The following SGCZ variants were observed in gnomAD, a reference collection of about 807,000 sequenced individuals.
SGCZ encodes the protein zeta-sarcoglycan.
In SGCZ, 40 loss-of-function variants were observed where a neutral mutation model predicts 41.3. That is an observed-to-expected ratio of 0.97 (90% confidence interval 0.75 to 1.26). The LOEUF (loss-of-function observed/expected upper bound fraction) is 1.26, where lower values mean the gene tolerates loss of function less well. Ranked by LOEUF, SGCZ falls within the 50% of genes most tolerant of loss-of-function variation. SGCZ has a pLI of 0.00. For synonymous variants in SGCZ, 206 were observed against 137.5 expected (o/e 1.50, Z -3.49); for missense variants, 552 against 369.8 (o/e 1.49, Z -4.04).
intron 1 of SGCZ, among the ~76,000 whole-genome samples, chr8:14,607,426 A>T (rs961574470): frequency 2.0e-5 from 3 of 152,178 alleles, no homozygotes; most frequent in Non-Finnish European, 4.4e-5. Context: ...TATTAATCCA[A>T]TTAATTAGGT....
chr8:14,238,486 G>C (rs1806848421), intron 3 of SGCZ, among the ~76,000 whole-genome samples: 1 of 152,102 alleles, frequency 6.6e-6, no homozygotes, highest in Admixed American at 6.5e-5. Flanking sequence ...TTCTCCTTTA[G>C]GACATAAAAC....
chr8:14,367,146 A>T (rs957242316), intron 2 of SGCZ, among the ~76,000 whole-genome samples: 1 of 152,108 alleles, frequency 6.6e-6, no homozygotes. Flanking sequence ...AGTTCCACAG[A>T]TCTTCGGGAC....
At chr8:14,543,087 T>G (rs1415311121) in intron 2 of SGCZ, among the ~76,000 whole-genome samples, 1 of 152,088 alleles carries the variant, frequency 6.6e-6, no homozygotes, top group Middle Eastern at 3.4e-3. Flanking sequence ...TTGGATATTT[T>G]ATTTAGGAAC....
chr8:14,102,589 C>G (rs982356965), intron 6 of SGCZ, 90 bp from the exon 7 acceptor site: 2 of 1,147,626 alleles, frequency 1.7e-6, no homozygotes, highest in Non-Finnish European at 2.2e-6. Flanking sequence ...AACTAGAAGA[C>G]AACATTGGTC....
At chr8:14,948,830 AC>A (rs1796050557) in intron 1 of SGCZ, among the ~76,000 whole-genome samples, 1 of 151,940 alleles carries the variant, frequency 6.6e-6, no homozygotes, top group African/African-American at 2.4e-5. Flanking sequence ...TGGTTTTCAC[AC>A]CCGTGTGTTT....
intron 7 of SGCZ, among the ~76,000 whole-genome samples, chr8:14,098,356 CAACAACA>C (rs1396767187): frequency 6.6e-6 from 1 of 152,068 alleles, no homozygotes; most frequent in Non-Finnish European, 1.5e-5. Context: ...ACTAAGCAAA[CAACAACA>C]AAAACCCAAG....
intron 2 of SGCZ, among the ~76,000 whole-genome samples, chr8:14,396,490 T>C (rs903742668): frequency 3.3e-5 from 5 of 152,086 alleles, no homozygotes; most frequent in African/African-American, 1.2e-4. Context: ...TCATTCCCTA[T>C]GCCTCCTAAT....
chr8:14,691,905 T>A (rs928327870), intron 1 of SGCZ, among the ~76,000 whole-genome samples: 15 of 152,148 alleles, frequency 9.9e-5, no homozygotes, highest in Admixed American at 9.2e-4. Flanking sequence ...AAATTTTGTA[T>A]CTATATATTG....
chr8:14,315,804 T>C (rs1801695246), intron 3 of SGCZ, among the ~76,000 whole-genome samples: 1 of 151,390 alleles, frequency 6.6e-6, no homozygotes, highest in Admixed American at 6.6e-5. Flanking sequence ...AATATAAAAA[T>C]ATTTAATTGA....
intron 1 of SGCZ, among the ~76,000 whole-genome samples, chr8:14,957,941 A>T (rs1389156349): frequency 6.6e-6 from 1 of 152,078 alleles, no homozygotes; most frequent in East Asian, 1.9e-4. Context: ...TATGTGCAAC[A>T]CTAAGAGTGT....
At chr8:14,136,312 G>A (rs915524797) in intron 5 of SGCZ, among the ~76,000 whole-genome samples, 3 of 152,168 alleles carry the variant, frequency 2.0e-5, no homozygotes, top group Non-Finnish European at 4.4e-5. Context: ...GACAGTGGGT[G>A]CAGCCCATGA....
intron 4 of SGCZ, among the ~76,000 whole-genome samples, chr8:14,202,493 A>G (rs1805486817): frequency 6.6e-6 from 1 of 152,024 alleles, no homozygotes; most frequent in Non-Finnish European, 1.5e-5. Flanking sequence ...GGGTTTCACA[A>G]GGGAAAAAAA....
chr8:14,846,639 A>T (rs1438431772), intron 1 of SGCZ, among the ~76,000 whole-genome samples: 3 of 151,480 alleles, frequency 2.0e-5, no homozygotes, highest in Non-Finnish European at 4.4e-5. Flanking sequence ...CAGAAGAAAT[A>T]GAAAATCTGA....
At chr8:14,960,546 T>C (rs1327642708) in intron 1 of SGCZ, among the ~76,000 whole-genome samples, 2 of 152,262 alleles carry the variant, frequency 1.3e-5, no homozygotes, top group Middle Eastern at 3.4e-3. Context: ...ATTTTCTTAA[T>C]CTTGATCAGC....
chr8:15,221,112 T>C (rs1263769629), intron 1 of SGCZ, among the ~76,000 whole-genome samples: 2 of 152,076 alleles, frequency 1.3e-5, no homozygotes, highest in East Asian at 1.9e-4. Flanking sequence ...TGTATACCTA[T>C]GTAACAAAAC....
chr8:15,007,411 C>G (rs867570220), intron 1 of SGCZ, among the ~76,000 whole-genome samples: 1 of 152,180 alleles, frequency 6.6e-6, no homozygotes. Flanking sequence ...TTGTAGTTCT[C>G]TAAAACTCTG....
At chr8:14,571,186 A>G (rs373143164) in intron 1 of SGCZ, among the ~76,000 whole-genome samples, 1 of 152,144 alleles carries the variant, frequency 6.6e-6, no homozygotes, top group East Asian at 1.9e-4. Context: ...GGGAGATAGC[A>G]GGGGAAACCG....
chr8:15,207,505 A>G lies in SGCZ; in HGVS notation c.39+30080T>C, dbSNP rs183534092. ...GGGATCATAGAAATCAGGAAATAAA[A>G]GAGTCGGCAGAGAAGTGGAGCAGAC... On this transcript the variant is annotated intron_variant, in intron 1 of 7. Transcript: ENST00000382080. 2.6e-5 allele frequency among the ~76,000 whole-genome samples: 4 copies of G among 152,350 alleles called. No individual in the cohort carries two copies. The East Asian group carries it at 7.7e-4, about 29-fold the overall frequency.
At chr8:14,909,680 G>C (rs920708141) in intron 1 of SGCZ, among the ~76,000 whole-genome samples, 1 of 151,922 alleles carries the variant, frequency 6.6e-6, no homozygotes, top group Non-Finnish European at 1.5e-5. Flanking sequence ...TTAATTATAA[G>C]GCATAGTTCT....
Sources: gnomAD v4.1 joint callset for allele counts (sites outside exome capture counted in the v4.1 genomes callset) on GRCh38, gnomAD v4.1.1 for gene constraint, MANE v1.5 for transcripts, NCBI Gene and HGNC (gene_info 2026-07-23, HGNC 2026-07-21) for gene names.